The following ADAM18 variants were observed in gnomAD, a reference collection of about 807,000 sequenced individuals.
The protein encoded by ADAM18 is disintegrin and metalloproteinase domain-containing protein 18.
ADAM18 carries 117 observed loss-of-function variants against 94.4 expected under a neutral mutation model. That is an observed-to-expected ratio of 1.24 (90% CI 1.07 to 1.45). The LOEUF (loss-of-function observed/expected upper bound fraction) is 1.45, where lower values mean the gene tolerates loss of function less well. ADAM18 is among the 40% of genes most tolerant of loss of function. The probability of loss-of-function intolerance (pLI) is 0.00; values close to 1 mark genes in which losing one functional copy is unlikely to be tolerated. For missense variants in ADAM18, 936 were observed against 880.0 expected (o/e 1.06, Z -0.81); for synonymous variants, 327 against 291.6 (o/e 1.12, Z -1.24).
At chr8:39,720,894 A>G (rs1322788517) in intron 18 of ADAM18, among the ~76,000 whole-genome samples, 1 of 151,472 alleles carries the variant, frequency 6.6e-6, no homozygotes, top group Non-Finnish European at 1.5e-5. Flanking sequence ...ATTTTCAAAC[A>G]TAATGTTGAC....
chr8:39,611,519 T>C (rs978840324), intron 6 of ADAM18: 1 of 985,304 alleles, frequency 1.0e-6, no homozygotes, highest in Non-Finnish European at 1.2e-6. Flanking sequence ...CTCGATTTTG[T>C]AGTTCATTAT....
intron 6 of ADAM18, among the ~76,000 whole-genome samples, chr8:39,613,562 G>A (rs914433352): frequency 1.3e-5 from 2 of 152,176 alleles, no homozygotes; most frequent in African/African-American, 4.8e-5. Flanking sequence ...CAACTCAGAA[G>A]CCAGAGTGTC....
chr8:39,645,688 A>T (rs1585933588), intron 11 of ADAM18, among the ~76,000 whole-genome samples: 1 of 152,290 alleles, frequency 6.6e-6, no homozygotes, highest in East Asian at 1.9e-4. Flanking sequence ...CACATCACTG[A>T]CATCGCATTC....
intron 6 of ADAM18, among the ~76,000 whole-genome samples, chr8:39,626,212 T>C (rs1389731515): frequency 6.6e-6 from 1 of 152,168 alleles, no homozygotes; most frequent in African/African-American, 2.4e-5. Context: ...GAAGTGTTCA[T>C]AGTAGTCTTG....
Position 39,643,245 on chromosome 8 carries a change from C to T in ADAM18, c.910-2093C>T, listed in dbSNP as rs117486803. On this transcript the variant is annotated intron_variant, in intron 10 of 19. Transcript: ENST00000265707. ...TCTGCAAACACAGATAGTTTGACTTCTTCTTTGGATGCCTTCTTTCTCTTG... is the reference window on the plus strand; with the variant it reads ...TCTGCAAACACAGATAGTTTGACTTTTTCTTTGGATGCCTTCTTTCTCTTG... Among the ~76,000 whole-genome samples, 1,172 of 152,152 alleles carry T rather than the reference C, an allele frequency of 7.7e-3. 10 individuals carry two copies. The highest frequency in any genetic ancestry group is 0.013 in the South Asian group (62 of 4,826).
At chr8:39,620,702 A>G (rs28838953) in intron 6 of ADAM18, among the ~76,000 whole-genome samples, 135,525 of 149,012 alleles carry the variant, frequency 0.91, 61,811 homozygotes, top group Middle Eastern at 0.98. Context: ...TCCTATCAGC[A>G]GCAACAGCAT....
intron 14 of ADAM18, among the ~76,000 whole-genome samples, chr8:39,672,888 G>A (rs911051134): frequency 6.6e-6 from 1 of 152,194 alleles, no homozygotes; most frequent in African/African-American, 2.4e-5. Flanking sequence ...AGAGACACCA[G>A]GAGTTAAATA....
At chr8:39,660,430 C>T (rs1321533427) in intron 12 of ADAM18, among the ~76,000 whole-genome samples, 5 of 151,796 alleles carry the variant, frequency 3.3e-5, no homozygotes, top group African/African-American at 9.7e-5. Flanking sequence ...ACATAGTAAC[C>T]GAAAAAGAAC....
intron 7 of ADAM18, among the ~76,000 whole-genome samples, chr8:39,634,008 C>T (rs1412628596): frequency 6.6e-6 from 1 of 152,100 alleles, no homozygotes; most frequent in African/African-American, 2.4e-5. Context: ...AGGCTGCCTT[C>T]CCATTACAAG....
chr8:39,646,090 C>A (rs928797578), intron 11 of ADAM18, among the ~76,000 whole-genome samples: 1 of 152,052 alleles, frequency 6.6e-6, no homozygotes, highest in African/African-American at 2.4e-5. Flanking sequence ...TTTCTTTTTG[C>A]TCTTAAACTT....
chr8:39,710,570 C>T (rs1822368518), intron 18 of ADAM18, among the ~76,000 whole-genome samples: 1 of 152,290 alleles, frequency 6.6e-6, no homozygotes, highest in East Asian at 1.9e-4. Flanking sequence ...CTTTTTTACC[C>T]TAGACTGATT....
At chr8:39,601,984 T>A (rs182943225) in intron 2 of ADAM18, among the ~76,000 whole-genome samples, 37 of 152,360 alleles carry the variant, frequency 2.4e-4, no homozygotes, top group African/African-American at 8.4e-4. Context: ...AACCTTGTTT[T>A]AGCATGTAGT....
chr8:39,610,984 G>C, intron 6 of ADAM18: 4 of 1,186,610 alleles, frequency 3.4e-6, no homozygotes, highest in Non-Finnish European at 4.2e-6. Context: ...AAAGAACAGA[G>C]TCACTGTTAT....
chr8:39,594,448 A>G (rs1455810059), intron 2 of ADAM18, among the ~76,000 whole-genome samples: 1 of 151,154 alleles, frequency 6.6e-6, no homozygotes, highest in African/African-American at 2.4e-5. Flanking sequence ...TTCCTCTTTT[A>G]TTTTTCCTTT....
chr8:39,609,517 A>G lies in ADAM18; in HGVS notation c.300A>G (p.Glu100=), dbSNP rs1461031277. ...GCCATTACCAAGGATATGCTGCCGA[A>G]TTTCCAAATTCATTTGTGACACTCA... The part of the protein sequence containing the change: ...MHCHYQGYAA[E]FPNSFVTLSI... Residue 100 remains glutamate, a synonymous_variant, in exon 5 of 20, where the codon GAA becomes GAG. Transcript: ENST00000265707. 3.1e-6 allele frequency: 5 copies of G among 1,611,672 alleles called. No individual in the cohort carries two copies. The highest frequency in any genetic ancestry group is 4.2e-6 in the Non-Finnish European group (5 of 1,178,484).
intron 2 of ADAM18, among the ~76,000 whole-genome samples, chr8:39,597,035 C>G (rs1818763925): frequency 6.6e-6 from 1 of 152,108 alleles, no homozygotes; most frequent in South Asian, 2.1e-4. Flanking sequence ...ACTATCAGGT[C>G]TCATGTTTGT....
At position 39,714,710 on chromosome 8, in the gene ADAM18, A is replaced by T. The variant is rs145163988; in HGVS notation, c.2017+7806A>T. On this transcript the variant is annotated intron_variant, in intron 18 of 19. Transcript: ENST00000265707. ...CCCTTCTCTTAGTAATTGACACATC[A>T]ACATGTAGAAAATCAGTAAGTATAG... Among the ~76,000 whole-genome samples, 242 of 152,264 alleles carry T rather than the reference A, an allele frequency of 1.6e-3. 1 individual carries two copies. The highest frequency in any genetic ancestry group is 5.6e-3 in the African/African-American group (234 of 41,564).
intron 6 of ADAM18, among the ~76,000 whole-genome samples, chr8:39,616,977 A>G (rs1356540246): frequency 2.6e-5 from 4 of 152,206 alleles, no homozygotes; most frequent in Non-Finnish European, 2.9e-5. Context: ...TATGATGAAG[A>G]TACCAAAAGC....
At chr8:39,667,662 C>T (rs921321153) in intron 13 of ADAM18, among the ~76,000 whole-genome samples, 1 of 152,054 alleles carries the variant, frequency 6.6e-6, no homozygotes, top group Non-Finnish European at 1.5e-5. Context: ...TCTCCAAGAA[C>T]AAAAAGGTAG....
Sources: allele counts gnomAD v4.1 joint callset (sites outside exome capture counted in the v4.1 genomes callset), GRCh38; gene constraint gnomAD v4.1.1; transcripts MANE v1.5; gene names NCBI Gene and HGNC (gene_info 2026-07-23, HGNC 2026-07-21).